Variants in SYT14 observed in about 807,000 individuals in gnomAD.
The protein encoded by SYT14 is synaptotagmin-14.
A neutral mutation model predicts 74.2 loss-of-function variants in SYT14; 32 were observed. The ratio of observed to expected loss-of-function variants is 0.43; its 90% CI spans 0.33 to 0.58. The LOEUF (loss-of-function observed/expected upper bound fraction) is 0.58, where lower values mean the gene tolerates loss of function less well. Ranked by LOEUF, SYT14 falls within the 20% of genes least tolerant of loss-of-function variation. The pLI, the probability that SYT14 is intolerant of heterozygous loss-of-function variation, is 0.05. For missense variants in SYT14, 791 were observed against 981.8 expected (o/e 0.81, Z 2.60); for synonymous variants, 298 against 337.7 (o/e 0.88, Z 1.29).
At chr1:210,155,669 C>T in intron 7 of SYT14, 52 bp from the exon 7 acceptor site, 1 of 1,575,966 alleles carries the variant, frequency 6.3e-7, no homozygotes, top group Non-Finnish European at 8.7e-7. Context: ...CAATATATCT[C>T]TTAATATATC....
Position 210,020,857 on chromosome 1 carries a change from A to ATGTG in SYT14, c.1097-170_1097-167dup, listed in dbSNP as rs111670536. ...AAAATTCAGGTTGTGTATAATATATATGTGTGTGTGTGTGTATATATGTGT... is the reference window on the plus strand; with the variant it reads ...AAAATTCAGGTTGTGTATAATATATATGTGTGTGTGTGTGTGTGTATATATGTGT... On this transcript the variant is annotated intron_variant, in intron 4 of 9. Coordinates refer to ENST00000637265, the Ensembl canonical transcript of SYT14. Among the ~76,000 whole-genome samples, 494 of 151,536 alleles carry ATGTG rather than the reference A, an allele frequency of 3.3e-3. 4 individuals are homozygous for ATGTG. Among genetic ancestry groups the ATGTG allele is most frequent in the African/African-American group, 0.011 (464 of 41,240 alleles).
At chr1:210,002,837 C>T (rs1558122517) in intron 2 of SYT14, among the ~76,000 whole-genome samples, 1 of 151,866 alleles carries the variant, frequency 6.6e-6, no homozygotes, top group Admixed American at 6.6e-5. Flanking sequence ...AGATATGAGC[C>T]TTTTCCTCCT....
intron 2 of SYT14, among the ~76,000 whole-genome samples, chr1:209,964,879 A>G (rs1276907536): frequency 1.3e-5 from 2 of 152,232 alleles, no homozygotes; most frequent in African/African-American, 2.4e-5. Flanking sequence ...ATTTATACAA[A>G]CAGTCTAGGC....
intron 4 of SYT14, 138 bp from the exon 4 acceptor site, chr1:210,020,901 G>A: frequency 1.5e-6 from 1 of 683,884 alleles, no homozygotes; most frequent in Non-Finnish European, 2.6e-6. Flanking sequence ...GTATATGTGT[G>A]TGTTTATATA....
In SYT14 at chr1:210,057,561, G is replaced by A. The variant is rs144209191; in HGVS notation, c.1312+36307G>A. ...GTTCCCCGTATCTCACATAGTGCTT[G>A]CTGGATGCAAATTTAATAAATCAAT... On this transcript the variant is annotated intron_variant, in intron 5 of 9. Coordinates refer to ENST00000637265, the Ensembl canonical transcript of SYT14. Among the ~76,000 whole-genome samples, 115 of 152,270 alleles carry A rather than the reference G, an allele frequency of 7.6e-4. 1 individual carries two copies. The highest frequency in any genetic ancestry group is 2.6e-3 in the African/African-American group (107 of 41,554).
At chr1:210,050,640 A>G (rs2080976100) in intron 5 of SYT14, among the ~76,000 whole-genome samples, 1 of 152,238 alleles carries the variant, frequency 6.6e-6, no homozygotes, top group South Asian at 2.1e-4. Context: ...TTGGACGTAC[A>G]GTATCACATC....
Position 210,024,087 on chromosome 1 carries a change from T to C in SYT14, c.1312+2833T>C, listed in dbSNP as rs928352717. 2.6e-5 allele frequency among the ~76,000 whole-genome samples: 4 copies of C among 152,308 alleles called. No homozygotes were observed. The East Asian group carries it at 7.7e-4, about 29-fold the overall frequency. ...TCCAACATAGGTGCGTCTATACATA[T>C]ACATCTGAGGGAATAGAAGATAAAA... On this transcript the variant is annotated intron_variant, in intron 5 of 9. Transcript: ENST00000637265.
In SYT14 at chr1:209,961,495, G is replaced by A. The variant is rs2079074821; in HGVS notation, c.-486+8739G>A. Among the ~76,000 whole-genome samples, 3 of 152,004 alleles carry A rather than the reference G, an allele frequency of 2.0e-5. No individual in the cohort carries two copies. In the South Asian group the frequency reaches 6.2e-4, roughly 31 times the overall value. ...TTCCCAATTTGCTTCATCCAGGCTG[G>A]GTAACTAAAGTCATTAAATTCTTTG... On this transcript the variant is annotated intron_variant, in intron 2 of 9. Coordinates refer to ENST00000637265, the Ensembl canonical transcript of SYT14.
intron 7 of SYT14, among the ~76,000 whole-genome samples, chr1:210,108,575 T>A (rs1217707198): frequency 5.9e-5 from 9 of 152,098 alleles, no homozygotes; most frequent in African/African-American, 2.2e-4. Context: ...GAGAATGTTT[T>A]TGAGGTGAGG....
At chr1:209,967,517 A>T (rs369746545) in intron 2 of SYT14, among the ~76,000 whole-genome samples, 32 of 152,250 alleles carry the variant, frequency 2.1e-4, no homozygotes, top group African/African-American at 7.5e-4. Context: ...TCTTCAGGTT[A>T]TCTATTCCTG....
rs1572398156 is a variant in SYT14, at chr1:210,160,764, G to A, written c.2317G>A (p.Gly773Ser). The A allele has an allele frequency of 1.9e-6, 3 of 1,613,760 alleles. No individual in the cohort carries two copies. The highest frequency in any genetic ancestry group is 1.7e-6 in the Non-Finnish European group (2 of 1,179,832). The stretch of plus-strand genomic sequence containing the variant: ...TAAGTTAACTCTACTGAATTCCATG[G>A]GTCAAGAGATGTCCAAATGCAAGAC... The change falls in exon 10 of 10, where the codon GGT becomes AGT. Residue 773 changes from glycine to serine, a missense_variant. Transcript: ENST00000637265.
At chr1:209,943,763 G>A (rs1391648377) in intron 1 of SYT14, among the ~76,000 whole-genome samples, 2 of 151,800 alleles carry the variant, frequency 1.3e-5, no homozygotes, top group Non-Finnish European at 2.9e-5. Flanking sequence ...AATCCTAGTC[G>A]ATTACTACCT....
chr1:210,014,032 C>T (rs957155491), intron 3 of SYT14, among the ~76,000 whole-genome samples: 6 of 152,024 alleles, frequency 3.9e-5, no homozygotes, highest in Admixed American at 6.6e-5. Context: ...TTTAATTTTT[C>T]GTATGTAAGA....
intron 2 of SYT14, among the ~76,000 whole-genome samples, chr1:209,953,852 G>A (rs528112112): frequency 6.6e-6 from 1 of 152,230 alleles, no homozygotes; most frequent in South Asian, 2.1e-4. Context: ...ATTGAAGTCA[G>A]TTTCATGAAA....
chr1:210,076,528 A>C (rs116586032), intron 5 of SYT14, among the ~76,000 whole-genome samples: 1 of 152,218 alleles, frequency 6.6e-6, no homozygotes, highest in Non-Finnish European at 1.5e-5. Context: ...GAACAATACA[A>C]AAGGTGGCTG....
intron 7 of SYT14, among the ~76,000 whole-genome samples, chr1:210,153,966 T>C (rs2083218972): frequency 6.6e-6 from 1 of 152,190 alleles, no homozygotes; most frequent in South Asian, 2.1e-4. Flanking sequence ...AATGCCCTTA[T>C]TAGATTTTGG....
intron 7 of SYT14, among the ~76,000 whole-genome samples, chr1:210,154,617 T>G (rs1033403226): frequency 6.6e-6 from 1 of 152,150 alleles, no homozygotes; most frequent in Non-Finnish European, 1.5e-5. Context: ...TTAATTGGAC[T>G]CTCCAGAAAT....
At position 210,093,523 on chromosome 1, in the gene SYT14, C is replaced by T. The variant is rs186969755; in HGVS notation, c.1313-799C>T. On this transcript the variant is annotated intron_variant, in intron 5 of 9. Transcript: ENST00000637265. The stretch of plus-strand genomic sequence containing the variant: ...TCGCAGATATGTTTATTCTCAATCA[C>T]CGAGGTAAATCATTGAGGTAAAAAT... Among the ~76,000 whole-genome samples, 64 of 152,180 alleles carry T rather than the reference C, an allele frequency of 4.2e-4. 1 individual carries two copies. The highest frequency in any genetic ancestry group is 3.9e-3 in the Admixed American group (60 of 15,270).
intron 2 of SYT14, among the ~76,000 whole-genome samples, chr1:209,976,504 T>C (rs1300997554): frequency 6.6e-6 from 1 of 152,082 alleles, no homozygotes; most frequent in Non-Finnish European, 1.5e-5. Context: ...TTCCATGTAG[T>C]TGAGCAGTTT....
Sources: gnomAD v4.1 joint callset for allele counts (sites outside exome capture counted in the v4.1 genomes callset) on GRCh38, gnomAD v4.1.1 for gene constraint, MANE v1.5 for transcripts, NCBI Gene and HGNC (gene_info 2026-07-23, HGNC 2026-07-21) for gene names.